The following PDE4D variants were observed in gnomAD, a reference collection of about 807,000 sequenced individuals.
PDE4D encodes the protein phosphodiesterase 4D, also known as 3',5'-cyclic-AMP phosphodiesterase 4D.
PDE4D carries 24 observed loss-of-function variants against 87.4 expected under a neutral mutation model. The observed-to-expected ratio is 0.27, with a 90% confidence interval of 0.20 to 0.39. The LOEUF (loss-of-function observed/expected upper bound fraction) is 0.39. Among genes scored for constraint, PDE4D ranks in the 10% least tolerant of loss-of-function variants. The probability of loss-of-function intolerance (pLI) is 1.00; values close to 1 mark genes in which losing one functional copy is unlikely to be tolerated. For missense variants in PDE4D, 714 were observed against 1,041.0 expected (o/e 0.69, Z 4.32); for synonymous variants, 384 against 383.2 (o/e 1.00, Z -0.02).
chr5:59,914,203 T>A (rs950037649), intron 3 of PDE4D, among the ~76,000 whole-genome samples: 2 of 152,196 alleles, frequency 1.3e-5, no homozygotes, highest in Non-Finnish European at 2.9e-5. Context: ...CCTGTCATCC[T>A]TAAAGTAGAC....
chr5:60,297,256 C>CCCTT (rs2149785689), intron 1 of PDE4D, among the ~76,000 whole-genome samples: 1 of 152,220 alleles, frequency 6.6e-6, no homozygotes, highest in South Asian at 2.1e-4. Flanking sequence ...CTAAACCTTA[C>CCCTT]CCTTCTTGGG....
At chr5:59,083,997 G>A (rs1049300829) in intron 5 of PDE4D, among the ~76,000 whole-genome samples, 1 of 151,822 alleles carries the variant, frequency 6.6e-6, no homozygotes, top group East Asian at 1.9e-4. Context: ...TTTTTTGGGG[G>A]GGACTTGACA....
intron 1 of PDE4D, among the ~76,000 whole-genome samples, chr5:59,580,690 T>C (rs1823964888): frequency 6.6e-6 from 1 of 152,112 alleles, no homozygotes; most frequent in Non-Finnish European, 1.5e-5. Context: ...GGCTGGTCTC[T>C]AATAAATTGT....
intron 2 of PDE4D, among the ~76,000 whole-genome samples, chr5:59,208,550 A>G (rs1243349217): frequency 6.6e-6 from 1 of 152,240 alleles, no homozygotes; most frequent in Non-Finnish European, 1.5e-5. Context: ...ATTAAAATCA[A>G]TGCTTTATTT....
intron 1 of PDE4D, among the ~76,000 whole-genome samples, chr5:60,483,517 G>A (rs970821680): frequency 4.6e-5 from 7 of 152,036 alleles, no homozygotes; most frequent in African/African-American, 1.7e-4. Flanking sequence ...AGCTCCTTGA[G>A]GAAACCATGT....
chr5:59,141,894 A>G (rs1328378447), intron 5 of PDE4D, among the ~76,000 whole-genome samples: 1 of 152,134 alleles, frequency 6.6e-6, no homozygotes, highest in Non-Finnish European at 1.5e-5. Flanking sequence ...CTGATCTTGC[A>G]CAGTTTTCTA....
chr5:59,636,270 T>C (rs1347152122), intron 1 of PDE4D, among the ~76,000 whole-genome samples: 2 of 152,110 alleles, frequency 1.3e-5, no homozygotes, highest in Non-Finnish European at 2.9e-5. Flanking sequence ...TGCTCATGGA[T>C]AGGAAGAATC....
intron 1 of PDE4D, among the ~76,000 whole-genome samples, chr5:59,516,962 C>T (rs1460807113): frequency 1.3e-5 from 2 of 150,286 alleles, no homozygotes; most frequent in African/African-American, 2.5e-5. Flanking sequence ...TAGGCACACA[C>T]ACACACATAC....
chr5:60,350,580 G>A (rs374419894), intron 1 of PDE4D, among the ~76,000 whole-genome samples: 1 of 152,146 alleles, frequency 6.6e-6, no homozygotes, highest in African/African-American at 2.4e-5. Flanking sequence ...TGCGTCGATG[G>A]TTGGGGGCCA....
intron 1 of PDE4D, among the ~76,000 whole-genome samples, chr5:59,320,934 A>G (rs1242601298): frequency 1.3e-4 from 20 of 152,176 alleles, no homozygotes; most frequent in Admixed American, 1.3e-3. Context: ...TAAGTAATCT[A>G]TTTTTTCTAT....
intron 1 of PDE4D, among the ~76,000 whole-genome samples, chr5:60,345,846 G>A (rs981026749): frequency 2.0e-5 from 3 of 152,062 alleles, no homozygotes; most frequent in Admixed American, 1.3e-4. Context: ...GGCCAGGAGA[G>A]TAAATATGTT....
At chr5:59,404,908 A>C (rs980166149) in intron 1 of PDE4D, among the ~76,000 whole-genome samples, 7 of 152,142 alleles carry the variant, frequency 4.6e-5, no homozygotes, top group Non-Finnish European at 8.8e-5. Flanking sequence ...CACCTTTGTC[A>C]AAAATGAGTT....
Position 58,973,210 on chromosome 5 carries a change from C to G in PDE4D, c.*1454G>C, listed in dbSNP as rs1406467532. The G allele has an allele frequency of 2.0e-5, 3 of 152,104 alleles. No homozygotes were observed. Among genetic ancestry groups the G allele is most frequent in the African/African-American group, 7.2e-5 (3 of 41,410 alleles). The allele number at this position is 152,104 out of a possible 1,614,324, so 9.4% of individuals were successfully genotyped here. On this transcript the variant is annotated 3_prime_UTR_variant, in exon 15 of 15. Coordinates refer to ENST00000340635, the MANE Select transcript of PDE4D (RefSeq NM_001104631.2). ...CTGCCTAGTTGGCTGTTTAACTTTT[C>G]TCTGTAAACCAAGAGTAAAAGCTAG...
At chr5:59,671,827 T>G (rs1012787278) in intron 1 of PDE4D, among the ~76,000 whole-genome samples, 1 of 147,274 alleles carries the variant, frequency 6.8e-6, no homozygotes, top group Admixed American at 6.8e-5. Flanking sequence ...AAAAAAAAAG[T>G]AAAGAAATAA....
intron 1 of PDE4D, among the ~76,000 whole-genome samples, chr5:59,546,217 A>G (rs973503192): frequency 6.6e-6 from 1 of 152,140 alleles, no homozygotes; most frequent in African/African-American, 2.4e-5. Context: ...ATCTGAAAAA[A>G]TGAGTACAAA....
intron 2 of PDE4D, among the ~76,000 whole-genome samples, chr5:59,208,010 A>G (rs1021829241): frequency 6.6e-6 from 1 of 151,650 alleles, no homozygotes; most frequent in African/African-American, 2.4e-5. Context: ...GTAAAAAAAA[A>G]AACACAATCA....
intron 1 of PDE4D, among the ~76,000 whole-genome samples, chr5:60,456,379 T>C (rs1161889297): frequency 6.6e-6 from 1 of 152,234 alleles, no homozygotes; most frequent in African/African-American, 2.4e-5. Context: ...ACTGTTAACA[T>C]GGCATTTCTG....
chr5:59,107,663 G>C (rs1464968963), intron 5 of PDE4D, among the ~76,000 whole-genome samples: 1 of 152,192 alleles, frequency 6.6e-6, no homozygotes, highest in Non-Finnish European at 1.5e-5. Flanking sequence ...AAACATTATA[G>C]AGGGTAAGAG....
intron 1 of PDE4D, among the ~76,000 whole-genome samples, chr5:59,649,854 G>C (rs1434014158): frequency 1.5e-5 from 2 of 137,454 alleles, no homozygotes; most frequent in Non-Finnish European, 3.0e-5. Context: ...TCACCAATTT[G>C]GGAAACAACA....
Sources: allele counts gnomAD v4.1 joint callset (sites outside exome capture counted in the v4.1 genomes callset), GRCh38; gene constraint gnomAD v4.1.1; transcripts MANE v1.5; gene names NCBI Gene and HGNC (gene_info 2026-07-23, HGNC 2026-07-21).